PPARGC1A: variants seen among roughly 807,000 people sequenced by gnomAD.
The protein encoded by PPARGC1A is peroxisome proliferator-activated receptor gamma coactivator 1-alpha.
PPARGC1A carries 25 observed loss-of-function variants against 88.7 expected under a neutral mutation model. The ratio of observed to expected loss-of-function variants is 0.28; its 90% confidence interval spans 0.21 to 0.39. The LOEUF (loss-of-function observed/expected upper bound fraction) is 0.39, where lower values mean the gene tolerates loss of function less well. Ranked by LOEUF, PPARGC1A falls within the 10% of genes least tolerant of loss-of-function variation. PPARGC1A has a pLI of 1.00. For synonymous variants in PPARGC1A, 363 were observed against 355.6 expected (o/e 1.02, Z -0.24); for missense variants, 880 against 968.7 (o/e 0.91, Z 1.22).
At chr4:23,863,066 C>G (rs1416970243) in intron 2 of PPARGC1A, among the ~76,000 whole-genome samples, 1 of 152,134 alleles carries the variant, frequency 6.6e-6, no homozygotes, top group Non-Finnish European at 1.5e-5. Flanking sequence ...AAGGTTGAAA[C>G]CACAGCCATT....
At chr4:24,060,906 T>C in the PPARGC1A span, among the ~76,000 whole-genome samples, 3 of 151,856 alleles carry the variant, frequency 2.0e-5, no homozygotes, top group Admixed American at 2.0e-4. Context: ...ACCCTGGGAG[T>C]TCTATATAAT....
At chr4:23,931,919 C>G in the PPARGC1A span, among the ~76,000 whole-genome samples, 2 of 152,128 alleles carry the variant, frequency 1.3e-5, no homozygotes, top group Non-Finnish European at 2.9e-5. Flanking sequence ...CCTTGCGGAG[C>G]CTCAGTTTCT....
chr4:24,321,385 G>T, the PPARGC1A span, among the ~76,000 whole-genome samples: 1 of 152,152 alleles, frequency 6.6e-6, no homozygotes, highest in East Asian at 1.9e-4. Context: ...GATGAAGCTG[G>T]CAGTCTCTCA....
At chr4:24,069,560 A>G in the PPARGC1A span, among the ~76,000 whole-genome samples, 1 of 152,128 alleles carries the variant, frequency 6.6e-6, no homozygotes, top group Non-Finnish European at 1.5e-5. Context: ...GATTTTTCCA[A>G]CAACACTGCA....
intron 10 of PPARGC1A, among the ~76,000 whole-genome samples, chr4:23,807,195 AG>A (rs1031335906): frequency 4.5e-4 from 69 of 152,270 alleles, no homozygotes; most frequent in African/African-American, 1.6e-3. Flanking sequence ...AGGTGAGTGG[AG>A]TGGAGGGTCA....
chr4:24,025,392 AG>A, the PPARGC1A span, among the ~76,000 whole-genome samples: 11 of 152,178 alleles, frequency 7.2e-5, no homozygotes, highest in African/African-American at 2.4e-4. Flanking sequence ...TTGAGAGTAC[AG>A]GAGAGATTTA....
At chr4:24,465,607 T>G in the PPARGC1A span, among the ~76,000 whole-genome samples, 2 of 152,322 alleles carry the variant, frequency 1.3e-5, no homozygotes, top group Admixed American at 1.3e-4. Context: ...AGCCTTGCAC[T>G]TTTACATTTC....
chr4:23,970,695 A>C, the PPARGC1A span, among the ~76,000 whole-genome samples: 1 of 152,260 alleles, frequency 6.6e-6, no homozygotes, highest in Admixed American at 6.5e-5. Flanking sequence ...TTGTGTTACA[A>C]AATACTTTAA....
At chr4:24,223,115 A>C in the PPARGC1A span, among the ~76,000 whole-genome samples, 1 of 152,162 alleles carries the variant, frequency 6.6e-6, no homozygotes, top group Non-Finnish European at 1.5e-5. Flanking sequence ...TACCCCTATA[A>C]ATTTGTATTT....
chr4:23,801,212 C>T (rs560042559), intron 12 of PPARGC1A, among the ~76,000 whole-genome samples: 4 of 137,558 alleles, frequency 2.9e-5, no homozygotes, highest in African/African-American at 1.1e-4. Context: ...CACACACACA[C>T]ATGAATCATA....
At chr4:24,162,591 CTTTTT>C in the PPARGC1A span, among the ~76,000 whole-genome samples, 1 of 128,054 alleles carries the variant, frequency 7.8e-6, no homozygotes, top group Non-Finnish European at 1.6e-5. Flanking sequence ...TCCTTACTTC[CTTTTT>C]TTTTTTTTTT....
At chr4:23,897,564 C>G (rs1718746808) in intron 1 of PPARGC1A, among the ~76,000 whole-genome samples, 1 of 152,146 alleles carries the variant, frequency 6.6e-6, no homozygotes, top group Non-Finnish European at 1.5e-5. Flanking sequence ...CTCAGGAAGC[C>G]TTCTTTGCAC....
At chr4:24,091,130 C>T in the PPARGC1A span, among the ~76,000 whole-genome samples, 33 of 152,314 alleles carry the variant, frequency 2.2e-4, 1 homozygote, top group East Asian at 5.4e-3. Context: ...ATTTTTATAT[C>T]GCAATGAACT....
the PPARGC1A span, among the ~76,000 whole-genome samples, chr4:24,400,058 T>C: frequency 6.6e-6 from 1 of 152,130 alleles, no homozygotes; most frequent in Admixed American, 6.5e-5. Flanking sequence ...AATGCTAGAA[T>C]TACAGGTGTG....
chr4:24,217,166 G>A, the PPARGC1A span, among the ~76,000 whole-genome samples: 10 of 152,298 alleles, frequency 6.6e-5, no homozygotes, highest in South Asian at 1.0e-3. Flanking sequence ...TTTTCTCCCA[G>A]CAATCTCAAG....
the PPARGC1A span, among the ~76,000 whole-genome samples, chr4:24,156,350 C>T: frequency 6.6e-6 from 1 of 152,042 alleles, no homozygotes; most frequent in African/African-American, 2.4e-5. Context: ...CACTCCCCCA[C>T]CCTCCCCACT....
At chr4:24,247,262 G>T in the PPARGC1A span, among the ~76,000 whole-genome samples, 1 of 152,096 alleles carries the variant, frequency 6.6e-6, no homozygotes, top group African/African-American at 2.4e-5. Flanking sequence ...TACAAAAGGG[G>T]AAATTGAGTT....
chr4:23,918,365 G>C, the PPARGC1A span, among the ~76,000 whole-genome samples: 1 of 151,860 alleles, frequency 6.6e-6, no homozygotes. Flanking sequence ...GGAATTATAG[G>C]TGCCAGCCGT....
chr4:24,091,733 G>A, the PPARGC1A span: 3 of 698,110 alleles, frequency 4.3e-6, no homozygotes, highest in Non-Finnish European at 5.3e-6. Flanking sequence ...CCAGACAGAT[G>A]CCAACTGGCC....
Sources: allele counts gnomAD v4.1 joint callset (sites outside exome capture counted in the v4.1 genomes callset), GRCh38; gene constraint gnomAD v4.1.1; transcripts MANE v1.5; gene names NCBI Gene and HGNC (gene_info 2026-07-23, HGNC 2026-07-21).